Variants in RNF130 observed in about 807,000 individuals in gnomAD.
RNF130 encodes ring finger protein 130, also known as E3 ubiquitin-protein ligase RNF130.
Under a neutral mutation model 44.6 loss-of-function variants are expected in RNF130, and 21 were observed. That is an observed-to-expected ratio of 0.47 (90% confidence interval 0.33 to 0.68). The LOEUF (loss-of-function observed/expected upper bound fraction) is 0.68. Ranked by LOEUF, RNF130 falls within the 30% of genes least tolerant of loss-of-function variation. RNF130 has a pLI of 0.02. For missense variants in RNF130, 479 were observed against 560.6 expected (o/e 0.85, Z 1.47); for synonymous variants, 214 against 210.4 (o/e 1.02, Z -0.15).
At chr5:179,947,059 C>A (rs1368374485) in intron 7 of RNF130, among the ~76,000 whole-genome samples, 1 of 152,180 alleles carries the variant, frequency 6.6e-6, no homozygotes. Context: ...ACTGACGCAA[C>A]CCTACTGTAC....
intron 7 of RNF130, among the ~76,000 whole-genome samples, chr5:179,936,352 T>C (rs1200099618): frequency 6.6e-6 from 1 of 152,184 alleles, no homozygotes; most frequent in Non-Finnish European, 1.5e-5. Flanking sequence ...TCCTCCTGCC[T>C]CAGACTCCCA....
intron 3 of RNF130, among the ~76,000 whole-genome samples, chr5:179,994,888 AG>A (rs1159214862): frequency 6.6e-6 from 1 of 152,128 alleles, no homozygotes; most frequent in Non-Finnish European, 1.5e-5. Flanking sequence ...AACCAAGAGA[AG>A]TACTTAAGTG....
chr5:180,006,655 C>T (rs1008551126), intron 3 of RNF130, among the ~76,000 whole-genome samples: 4 of 152,122 alleles, frequency 2.6e-5, no homozygotes, highest in Non-Finnish European at 5.9e-5. Flanking sequence ...CTGCCCCGTT[C>T]CTAAACAGTA....
chr5:179,972,267 G>C (rs971693920), intron 5 of RNF130, among the ~76,000 whole-genome samples: 1 of 152,174 alleles, frequency 6.6e-6, no homozygotes, highest in South Asian at 2.1e-4. Flanking sequence ...AACTCCCTTA[G>C]ATCTGATAGA....
exon 8 of RNF130, chr5:179,912,869 C>G (rs1019271202): frequency 6.6e-6 from 1 of 152,246 alleles, no homozygotes; most frequent in Non-Finnish European, 1.5e-5. Context: ...TGAATTCACT[C>G]TGTGTTGGGT....
chr5:179,951,585 G>T (rs1454631025), downstream of RNF130, among the ~76,000 whole-genome samples: 1 of 152,028 alleles, frequency 6.6e-6, no homozygotes, highest in African/African-American at 2.4e-5. Context: ...GGGTTTCACC[G>T]TGTTGGCCAG....
At chr5:179,937,873 A>C (rs1215615956) in intron 7 of RNF130, among the ~76,000 whole-genome samples, 2 of 150,910 alleles carry the variant, frequency 1.3e-5, no homozygotes, top group Non-Finnish European at 2.9e-5. Context: ...CCATAAAAAA[A>C]ATGAAGTGTT....
intron 5 of RNF130, among the ~76,000 whole-genome samples, chr5:179,974,287 C>T (rs26073): frequency 0.043 from 6,604 of 152,274 alleles, 182 homozygotes; most frequent in South Asian, 0.079. Context: ...TTCATCCACG[C>T]GGCAACTCCA....
chr5:180,024,843 G>T (rs1052483510), intron 2 of RNF130, among the ~76,000 whole-genome samples: 1 of 151,926 alleles, frequency 6.6e-6, no homozygotes, highest in African/African-American at 2.4e-5. Context: ...TCCTCTAAAC[G>T]CTCCTCAAAC....
chr5:179,926,851 T>A (rs919629585), intron 7 of RNF130, among the ~76,000 whole-genome samples: 1 of 152,078 alleles, frequency 6.6e-6, no homozygotes, highest in African/African-American at 2.4e-5. Flanking sequence ...GGGGACCTGA[T>A]GCCATTTCCA....
intron 3 of RNF130, among the ~76,000 whole-genome samples, chr5:180,007,687 C>T (rs1763492765): frequency 6.6e-6 from 1 of 152,222 alleles, no homozygotes; most frequent in African/African-American, 2.4e-5. Flanking sequence ...AAGGATCCTG[C>T]ATGCAGTCAG....
chr5:179,915,350 C>G (rs1761528175), exon 8 of RNF130: 1 of 152,296 alleles, frequency 6.6e-6, no homozygotes, highest in Non-Finnish European at 1.5e-5. Context: ...AACAAACAAA[C>G]AAAAAACCCA....
intron 3 of RNF130, among the ~76,000 whole-genome samples, chr5:179,997,532 G>C (rs186954117): frequency 3.6e-4 from 54 of 152,080 alleles, no homozygotes; most frequent in African/African-American, 1.3e-3. Context: ...GTTTCACCGT[G>C]TTAGCCAGGA....
intron 1 of RNF130, among the ~76,000 whole-genome samples, chr5:180,061,028 C>A (rs1300435589): frequency 2.7e-5 from 4 of 147,748 alleles, no homozygotes; most frequent in Non-Finnish European, 5.9e-5. Flanking sequence ...CCAAGATTGT[C>A]CCACTGCACT....
chr5:180,047,520 AGAT>A (rs1258790150), intron 1 of RNF130, among the ~76,000 whole-genome samples: 34 of 152,120 alleles, frequency 2.2e-4, no homozygotes, highest in African/African-American at 8.0e-4. Flanking sequence ...CAAGGCAGGC[AGAT>A]CACCTGAGGT....
intron 1 of RNF130, among the ~76,000 whole-genome samples, chr5:180,057,561 CAT>C (rs1764862253): frequency 6.6e-6 from 1 of 151,664 alleles, no homozygotes; most frequent in South Asian, 2.1e-4. Context: ...AAAAAAAAAT[CAT>C]GTGTAATGTG....
chr5:179,945,754 C>T (rs1187578621), intron 7 of RNF130, among the ~76,000 whole-genome samples: 2 of 152,090 alleles, frequency 1.3e-5, no homozygotes, highest in Non-Finnish European at 2.9e-5. Flanking sequence ...TGTCCGGCCT[C>T]GGCAGGAACC....
At chr5:180,052,632 T>C (rs1023035368) in intron 1 of RNF130, among the ~76,000 whole-genome samples, 3 of 152,164 alleles carry the variant, frequency 2.0e-5, no homozygotes, top group Non-Finnish European at 4.4e-5. Flanking sequence ...GACCATAATT[T>C]AAAATGTAAT....
At chr5:180,047,605 C>T (rs1158979534) in intron 1 of RNF130, among the ~76,000 whole-genome samples, 1 of 152,006 alleles carries the variant, frequency 6.6e-6, no homozygotes, top group Non-Finnish European at 1.5e-5. Flanking sequence ...TTTAGCTTGG[C>T]GTGGTGTGTA....
Sources: allele counts gnomAD v4.1 joint callset (sites outside exome capture counted in the v4.1 genomes callset), GRCh38; gene constraint gnomAD v4.1.1; transcripts MANE v1.5; gene names NCBI Gene and HGNC (gene_info 2026-07-23, HGNC 2026-07-21).